Variants in TIFA observed in about 807,000 individuals in gnomAD.
The protein encoded by TIFA is TRAF interacting protein with forkhead associated domain.
For missense variants in TIFA, 186 were observed against 215.2 expected (o/e 0.86, Z 0.85); for synonymous variants, 75 against 79.2 (o/e 0.95, Z 0.28).
In TIFA at chr4:112,277,695, T is replaced by TCATAAAAA; in HGVS notation, c.*166_*167insTTTTTATG. On this transcript the variant is annotated 3_prime_UTR_variant, in exon 2 of 2. Transcript: ENST00000361717. ...TCCAGAATACAACAGGTGACTAAGT[T>TCATAAAAA]AATGACTAACACAATTTACAGACTT... 1.4e-5 allele frequency: 7 copies of TCATAAAAA among 510,800 alleles called. No homozygotes were observed. The highest frequency in any genetic ancestry group is 1.0e-4 in the South Asian group (2 of 19,598). The allele number at this position is 510,800 out of a possible 1,614,324, so 31.6% of individuals were successfully genotyped here.
Position 112,277,949 on chromosome 4 carries a change from T to G in TIFA, c.468A>C (p.Pro156=), listed in dbSNP as rs142187673. ...TGCCATACTCCGGTATGGGCCTGTG[T>G]GGTGGCCAGTTGTTTTCTTGCAAGA... ...RSLLQENNWP[P]HRPIPEYGTY... The change falls in exon 2 of 2, where the codon CCA becomes CCC. Residue 156 remains proline (P), a synonymous_variant. Coordinates refer to ENST00000361717, the MANE Select transcript of TIFA (RefSeq NM_052864.3). 1 of 1,614,050 alleles carries G rather than the reference T, an allele frequency of 6.2e-7. No individual in the cohort carries two copies. The highest frequency in any genetic ancestry group is 8.5e-7 in the Non-Finnish European group (1 of 1,179,984).
chr4:112,282,823 A>G (rs1259852862), intron 1 of TIFA, among the ~76,000 whole-genome samples: 1 of 152,108 alleles, frequency 6.6e-6, no homozygotes, highest in Non-Finnish European at 1.5e-5. Flanking sequence ...TTCCCACCCT[A>G]CTTTATAAAA....
intron 1 of TIFA, among the ~76,000 whole-genome samples, chr4:112,280,216 T>C (rs74972115): frequency 6.6e-6 from 1 of 152,146 alleles, no homozygotes; most frequent in Admixed American, 6.5e-5. Flanking sequence ...GAGATTGATT[T>C]GTAGTTTTAT....
chr4:112,278,760 A>G (rs1727170921), intron 1 of TIFA, among the ~76,000 whole-genome samples: 1 of 152,218 alleles, frequency 6.6e-6, no homozygotes, highest in Admixed American at 6.5e-5. Context: ...TCTTTCACCT[A>G]AATAGAGTGA....
Position 112,285,754 on chromosome 4 carries a change from C to G in TIFA, c.-133G>C, listed in dbSNP as rs1727313535. On this transcript the variant is annotated 5_prime_UTR_variant, in exon 1 of 2. Transcript: ENST00000361717. ...GGGTGGACACCCGGCCGCTGCTCCT[C>G]CGCGCGGGTAAGTGTGAGCCCCGGG... 6.6e-6 allele frequency: 1 copy of G among 152,408 alleles called. No homozygotes were observed. The highest frequency in any genetic ancestry group is 1.5e-5 in the Non-Finnish European group (1 of 68,184). The allele number at this position is 152,408 out of a possible 1,614,324, so 9.4% of individuals were successfully genotyped here. A position where few individuals can be genotyped will look rare whatever the true frequency, so the allele number is the denominator to read the frequency against.
At chr4:112,279,246 C>T (rs1286520743) in intron 1 of TIFA, among the ~76,000 whole-genome samples, 1 of 151,686 alleles carries the variant, frequency 6.6e-6, no homozygotes, top group Non-Finnish European at 1.5e-5. Context: ...GCCGATGGCC[C>T]GAGGTGCCCT....
Position 112,277,680 on chromosome 4 carries a change from A to AGT in TIFA, c.*181_*182insAC. 2.5e-6 allele frequency: 1 copy of AGT among 397,148 alleles called. No individual in the cohort carries two copies. The highest frequency in any genetic ancestry group is 4.2e-6 in the Non-Finnish European group (1 of 240,694). 24.6% of individuals were successfully genotyped at this position (397,148 alleles called of 1,614,324 possible). A position where few individuals can be genotyped will look rare whatever the true frequency, so the allele number is the denominator to read the frequency against. On this transcript the variant is annotated 3_prime_UTR_variant, in exon 2 of 2. Coordinates refer to ENST00000361717, the MANE Select transcript of TIFA (RefSeq NM_052864.3). ...ATAATTTTGTGTAGATCCAGAATAC[A>AGT]ACAGGTGACTAAGTTAATGACTAAC... is the stretch of plus-strand genomic sequence containing the variant.
chr4:112,284,710 G>A (rs1371058651), intron 1 of TIFA, among the ~76,000 whole-genome samples: 2 of 150,938 alleles, frequency 1.3e-5, no homozygotes, highest in African/African-American at 4.9e-5. Flanking sequence ...AACGAATACC[G>A]AACACTGAGC....
intron 1 of TIFA, among the ~76,000 whole-genome samples, chr4:112,280,887 G>A (rs75808534): frequency 3.6e-3 from 554 of 152,254 alleles, no homozygotes; most frequent in African/African-American, 0.012. Context: ...CAGAAAAACT[G>A]AGAAAAATCC....
intron 1 of TIFA, among the ~76,000 whole-genome samples, chr4:112,282,385 G>A (rs1407531710): frequency 6.6e-6 from 1 of 152,156 alleles, no homozygotes; most frequent in African/African-American, 2.4e-5. Context: ...CAGGCAGACT[G>A]CTGATACCCT....
At position 112,277,280 on chromosome 4, in the gene TIFA, T is replaced by C. The variant is rs1159847551; in HGVS notation, c.*582A>G. 2.0e-5 allele frequency: 3 copies of C among 152,344 alleles called. No individual in the cohort carries two copies. The highest frequency in any genetic ancestry group is 2.9e-5 in the Non-Finnish European group (2 of 68,042). The allele number at this position is 152,344 out of a possible 1,614,324, so 9.4% of individuals were successfully genotyped here. A position where few individuals can be genotyped will look rare whatever the true frequency, so the allele number is the denominator to read the frequency against. On this transcript the variant is annotated 3_prime_UTR_variant, in exon 2 of 2. Transcript: ENST00000361717. ...TGAATATAGACAAAGAGAACTGTCA[T>C]CTTAGGAGTAAACACACTATAACTC...
At chr4:112,282,441 A>T (rs1369958709) in intron 1 of TIFA, among the ~76,000 whole-genome samples, 1 of 152,152 alleles carries the variant, frequency 6.6e-6, no homozygotes, top group Non-Finnish European at 1.5e-5. Flanking sequence ...TCATAGTTTA[A>T]TTTTTTTAAT....
chr4:112,284,598 C>A (rs1425495998), intron 1 of TIFA, among the ~76,000 whole-genome samples: 2 of 151,684 alleles, frequency 1.3e-5, no homozygotes, highest in Non-Finnish European at 2.9e-5. Context: ...ACTTTCATTT[C>A]CCCCCAACCC....
chr4:112,280,171 A>C (rs1727200670), intron 1 of TIFA, among the ~76,000 whole-genome samples: 1 of 152,048 alleles, frequency 6.6e-6, no homozygotes, highest in South Asian at 2.1e-4. Flanking sequence ...GTCTGCTTAT[A>C]CTGATTTGGG....
chr4:112,276,100 TATC>T lies in TIFA; in HGVS notation c.*1759_*1761del, dbSNP rs1158534978. The T allele has an allele frequency of 6.6e-6, 1 of 152,250 alleles. No individual in the cohort carries two copies. The highest frequency in any genetic ancestry group is 1.5e-5 in the Non-Finnish European group (1 of 68,038). The allele number at this position is 152,250 out of a possible 1,614,324, so 9.4% of individuals were successfully genotyped here. On this transcript the variant is annotated 3_prime_UTR_variant, in exon 2 of 2. Transcript: ENST00000361717. ...TAGTGGCTTACGACCAACACAAATT[TATC>T]ATCATAAAGTTTTGTAGGTTAACAA...
At chr4:112,284,598 C>T (rs1425495998) in intron 1 of TIFA, among the ~76,000 whole-genome samples, 1 of 151,684 alleles carries the variant, frequency 6.6e-6, no homozygotes, top group Non-Finnish European at 1.5e-5. Flanking sequence ...ACTTTCATTT[C>T]CCCCCAACCC....
intron 1 of TIFA, among the ~76,000 whole-genome samples, chr4:112,279,995 G>A (rs1727195664): frequency 6.6e-6 from 1 of 151,118 alleles, no homozygotes; most frequent in South Asian, 2.1e-4. Flanking sequence ...ATACATATGG[G>A]TGATAATTTT....
intron 1 of TIFA, among the ~76,000 whole-genome samples, chr4:112,278,774 G>A (rs915295918): frequency 6.6e-6 from 1 of 152,132 alleles, no homozygotes; most frequent in Non-Finnish European, 1.5e-5. Flanking sequence ...AGAGTGACTT[G>A]AGCCCAGAGA....
rs540245126 is a variant in TIFA, at chr4:112,281,403, A to G, written c.-18-2969T>C. On this transcript the variant is annotated intron_variant, in intron 1 of 1. Coordinates refer to ENST00000361717, the MANE Select transcript of TIFA (RefSeq NM_052864.3). ...ATATAGGTTCTTATACTCAGTCCCC[A>G]GGACAGATATATTATCCACTGTTAG... 4.6e-5 allele frequency among the ~76,000 whole-genome samples: 7 copies of G among 152,338 alleles called. No homozygotes were observed. The East Asian group carries it at 9.6e-4, about 21-fold the overall frequency.
Sources: gnomAD v4.1 joint callset for allele counts (sites outside exome capture counted in the v4.1 genomes callset) on GRCh38, gnomAD v4.1.1 for gene constraint, MANE v1.5 for transcripts, NCBI Gene and HGNC (gene_info 2026-07-23, HGNC 2026-07-21) for gene names.